The following CLVS1 variants were observed in gnomAD, a reference collection of about 807,000 sequenced individuals.
The protein encoded by CLVS1 is clavesin 1.
Under a neutral mutation model 33.1 loss-of-function variants are expected in CLVS1, and 10 were observed. That is an observed-to-expected ratio of 0.30 (90% confidence interval 0.19 to 0.51). CLVS1 has a LOEUF of 0.51. Among genes scored for constraint, CLVS1 ranks in the 20% least tolerant of loss-of-function variants. The pLI, the probability that CLVS1 is intolerant of heterozygous loss-of-function variation, is 0.97. For missense variants in CLVS1, 343 were observed against 433.4 expected (o/e 0.79, Z 1.85); for synonymous variants, 163 against 166.1 (o/e 0.98, Z 0.14).
At chr8:61,012,592 G>C in the CLVS1 span, among the ~76,000 whole-genome samples, 2 of 152,176 alleles carry the variant, frequency 1.3e-5, no homozygotes, top group Non-Finnish European at 2.9e-5. Flanking sequence ...ACATTTCAGC[G>C]TGCATGACAT....
At chr8:61,310,815 A>G (rs1269848694) in intron 2 of CLVS1, among the ~76,000 whole-genome samples, 1 of 152,236 alleles carries the variant, frequency 6.6e-6, no homozygotes, top group Non-Finnish European at 1.5e-5. Context: ...CTGATTTAAG[A>G]TAGCGATTGA....
chr8:61,245,691 A>G (rs933567663), intron 2 of CLVS1, among the ~76,000 whole-genome samples: 6 of 151,396 alleles, frequency 4.0e-5, no homozygotes, highest in South Asian at 4.1e-4. Flanking sequence ...ATATATATAC[A>G]TATATATAAA....
chr8:61,463,896 G>A (rs907150688), intron 5 of CLVS1, among the ~76,000 whole-genome samples: 1 of 151,626 alleles, frequency 6.6e-6, no homozygotes, highest in East Asian at 1.9e-4. Context: ...GTGAAACCCC[G>A]TATCTACTAA....
At chr8:60,999,778 C>T in the CLVS1 span, among the ~76,000 whole-genome samples, 1 of 152,178 alleles carries the variant, frequency 6.6e-6, no homozygotes, top group Non-Finnish European at 1.5e-5. Context: ...AAGAGAGTGG[C>T]AGTGTCCAAT....
At chr8:61,367,277 A>G (rs1278334434) in intron 2 of CLVS1, among the ~76,000 whole-genome samples, 1 of 152,184 alleles carries the variant, frequency 6.6e-6, no homozygotes, top group Non-Finnish European at 1.5e-5. Flanking sequence ...AAGCAGAATG[A>G]GATGAATCAC....
At chr8:61,387,485 TTTA>T (rs997580707) in intron 3 of CLVS1, among the ~76,000 whole-genome samples, 22 of 149,970 alleles carry the variant, frequency 1.5e-4, no homozygotes, top group African/African-American at 4.1e-4. Context: ...TTTTTTTTTT[TTTA>T]AATTTCAATA....
chr8:61,083,318 A>T (rs1328916691), intron 1 of CLVS1, among the ~76,000 whole-genome samples: 1 of 152,116 alleles, frequency 6.6e-6, no homozygotes, highest in African/African-American at 2.4e-5. Context: ...AAGGCCAGAG[A>T]GCAGAGAGGC....
rs1324516173 is a variant in CLVS1 at position 61,457,581 on chromosome 8, A to G, written c.742-726A>G. Among the ~76,000 whole-genome samples the G allele has an allele frequency of 2.6e-5, 4 of 152,220 alleles. No individual in the cohort carries two copies. The South Asian group carries it at 6.2e-4, about 24-fold the overall frequency. On this transcript the variant is annotated intron_variant, in intron 4 of 5. Transcript: ENST00000325897. ...AAAAATGGAAAATTGCAGCAAAAATATCTCACGATAACTTCTCAGGCTGTG... is the reference window on the plus strand; with the variant it reads ...AAAAATGGAAAATTGCAGCAAAAATGTCTCACGATAACTTCTCAGGCTGTG...
chr8:61,095,414 C>T (rs1438872392), intron 1 of CLVS1, among the ~76,000 whole-genome samples: 1 of 152,102 alleles, frequency 6.6e-6, no homozygotes, highest in Non-Finnish European at 1.5e-5. Flanking sequence ...TTTTTCCAAA[C>T]GTTGAGACCA....
chr8:61,108,312 T>C (rs944058443), intron 1 of CLVS1, among the ~76,000 whole-genome samples: 3 of 152,048 alleles, frequency 2.0e-5, no homozygotes, highest in African/African-American at 4.8e-5. Context: ...TGCAAATATA[T>C]GGTAACAGCT....
Position 61,080,625 on chromosome 8 carries a change from T to A in CLVS1, c.-243+23395T>A, listed in dbSNP as rs1397109051. 3.9e-5 allele frequency among the ~76,000 whole-genome samples: 6 copies of A among 152,236 alleles called. No individual in the cohort carries two copies. In the East Asian group the frequency reaches 1.2e-3, roughly 29 times the overall value. ...TTGCCTTCTTAAAATAACTTGCTTT[T>A]GGTTAAATTAAAGATATATTTGTTG... is the stretch of plus-strand genomic sequence containing the variant. On this transcript the variant is annotated intron_variant, in intron 1 of 2. Coordinates refer to the CLVS1 transcript ENST00000522621.
chr8:61,421,318 A>G (rs1815654941), intron 3 of CLVS1, among the ~76,000 whole-genome samples: 1 of 152,196 alleles, frequency 6.6e-6, no homozygotes, highest in Non-Finnish European at 1.5e-5. Context: ...GGGCCTGGTG[A>G]GGAGTATATA....
intron 2 of CLVS1, among the ~76,000 whole-genome samples, chr8:61,189,686 A>G (rs1308988413): frequency 1.3e-5 from 2 of 152,110 alleles, no homozygotes; most frequent in African/African-American, 4.8e-5. Context: ...AGATCTACCA[A>G]GCCAATGGAA....
chr8:61,248,951 CATGTGCAGA>C (rs1808876763), intron 2 of CLVS1, among the ~76,000 whole-genome samples: 1 of 152,060 alleles, frequency 6.6e-6, no homozygotes, highest in African/African-American at 2.4e-5. Context: ...TTGTGAGGTA[CATGTGCAGA>C]ATGTGCAGTT....
At chr8:61,266,909 T>C (rs1245448421) in intron 2 of CLVS1, among the ~76,000 whole-genome samples, 1 of 152,222 alleles carries the variant, frequency 6.6e-6, no homozygotes, top group Non-Finnish European at 1.5e-5. Flanking sequence ...CTCTTTTTTG[T>C]CAACCCGTAT....
Position 61,222,357 on chromosome 8 carries a change from G to C in CLVS1, c.-151-77320G>C, listed in dbSNP as rs574897722. ...TCTCTCTTAATACTGCCTTAGCTGT[G>C]TCCCAGAGATTCTGGTATGTTGTCT... On this transcript the variant is annotated intron_variant, in intron 2 of 2. Coordinates refer to the CLVS1 transcript ENST00000522621. Among the ~76,000 whole-genome samples the C allele has an allele frequency of 9.9e-5, 15 of 152,156 alleles. No homozygotes were observed. In the South Asian group the frequency reaches 2.9e-3, roughly 30 times the overall value.
At chr8:61,389,847 TA>T (rs1229835604) in intron 3 of CLVS1, among the ~76,000 whole-genome samples, 1 of 152,246 alleles carries the variant, frequency 6.6e-6, no homozygotes, top group Non-Finnish European at 1.5e-5. Flanking sequence ...GCTTAAGAGA[TA>T]AACCTTTGGT....
Position 61,500,719 on chromosome 8 carries a change from C to T in CLVS1, c.*1177C>T, listed in dbSNP as rs1408152115. The T allele has an allele frequency of 2.0e-5, 3 of 152,322 alleles. No homozygotes were observed. The highest frequency in any genetic ancestry group is 3.4e-3 in the Middle Eastern group (1 of 294). The allele number at this position is 152,322 out of a possible 1,614,324, so 9.4% of individuals were successfully genotyped here. On this transcript the variant is annotated 3_prime_UTR_variant, in exon 6 of 6. Coordinates refer to ENST00000325897, the MANE Select transcript of CLVS1 (RefSeq NM_173519.3). ...TGCATATTTTTAGACATCTCTTATT[C>T]GCCCAGCCATCTGCATGACATGGGT... is the stretch of plus-strand genomic sequence containing the variant.
chr8:61,263,649 G>A (rs1164143774), intron 2 of CLVS1, among the ~76,000 whole-genome samples: 1 of 152,108 alleles, frequency 6.6e-6, no homozygotes, highest in Non-Finnish European at 1.5e-5. Flanking sequence ...ACACTATAAT[G>A]CAGCATACTA....
Sources: gnomAD v4.1 joint callset for allele counts (sites outside exome capture counted in the v4.1 genomes callset) on GRCh38, gnomAD v4.1.1 for gene constraint, MANE v1.5 for transcripts, NCBI Gene and HGNC (gene_info 2026-07-23, HGNC 2026-07-21) for gene names.